SMIM13: variants seen among roughly 807,000 people sequenced by gnomAD.
SMIM13 encodes the protein UPF0766 protein C6orf228.
Under a neutral mutation model 5.9 loss-of-function variants are expected in SMIM13, and 3 were observed. The ratio of observed to expected loss-of-function variants is 0.51; its 90% CI spans 0.23 to 1.31. SMIM13 has a LOEUF of 1.31. Among genes scored for constraint, SMIM13 ranks in the 40% most tolerant of loss-of-function variants. The pLI, the probability that SMIM13 is intolerant of heterozygous loss-of-function variation, is 0.18. For synonymous variants in SMIM13, 55 were observed against 46.0 expected (o/e 1.19, Z -0.79); for missense variants, 85 against 109.9 (o/e 0.77, Z 1.01).
chr6:11,114,891 C>T (rs895879551), intron 1 of SMIM13, among the ~76,000 whole-genome samples: 11 of 152,074 alleles, frequency 7.2e-5, no homozygotes, highest in African/African-American at 2.7e-4. Context: ...TGAGCCACCA[C>T]GCCCGGCTGT....
At chr6:11,133,908 A>G (rs1758484865) in intron 1 of SMIM13, among the ~76,000 whole-genome samples, 1 of 152,052 alleles carries the variant, frequency 6.6e-6, no homozygotes, top group Non-Finnish European at 1.5e-5. Context: ...TTGAAAAATT[A>G]TTTCCAGAAA....
chr6:11,104,505 A>G lies in SMIM13; in HGVS notation c.76+10116A>G, dbSNP rs72825119. On this transcript the variant is annotated intron_variant, in intron 1 of 1. Coordinates refer to ENST00000416247, the MANE Select transcript of SMIM13 (RefSeq NM_001135575.2). ...TCCAAAAAATTCTGAGACTGCTGAT[A>G]TGCCCAGGTAGCTGGTGGCTATAGT... 169 of 1,559,606 alleles carry G rather than the reference A, an allele frequency of 1.1e-4. No homozygotes were observed. The highest frequency in any genetic ancestry group is 1.4e-4 in the Non-Finnish European group (161 of 1,151,132).
intron 1 of SMIM13, among the ~76,000 whole-genome samples, chr6:11,118,563 G>T (rs1758270304): frequency 6.6e-6 from 1 of 152,212 alleles, no homozygotes; most frequent in African/African-American, 2.4e-5. Flanking sequence ...TTCTCATAGG[G>T]AAGGTGGTCA....
At chr6:11,097,010 G>A (rs1197192384) in intron 1 of SMIM13, among the ~76,000 whole-genome samples, 1 of 151,924 alleles carries the variant, frequency 6.6e-6, no homozygotes, top group Non-Finnish European at 1.5e-5. Context: ...GGCTAATTTT[G>A]TATTTTTAGT....
intron 1 of SMIM13, among the ~76,000 whole-genome samples, chr6:11,129,764 C>A (rs930988566): frequency 1.3e-5 from 2 of 151,966 alleles, no homozygotes; most frequent in Admixed American, 6.6e-5. Context: ...TAGTGTGATG[C>A]CTCCTAGTTG....
intron 1 of SMIM13, chr6:11,105,259 G>C (rs577066973): frequency 6.2e-7 from 1 of 1,614,090 alleles, no homozygotes; most frequent in Non-Finnish European, 8.5e-7. Flanking sequence ...TCAGGATGGC[G>C]GTAGGCTGCT....
intron 1 of SMIM13, 69 bp from the exon 2 acceptor site, chr6:11,134,334 A>T: frequency 8.8e-7 from 1 of 1,142,388 alleles, no homozygotes; most frequent in Non-Finnish European, 1.3e-6. Flanking sequence ...CCCCCCATTA[A>T]CTGTAACATT....
intron 1 of SMIM13, among the ~76,000 whole-genome samples, chr6:11,101,499 C>A (rs1016267108): frequency 5.3e-5 from 8 of 152,058 alleles, no homozygotes; most frequent in African/African-American, 1.9e-4. Flanking sequence ...GTAGGGCTTC[C>A]GAAGGAGGAG....
intron 1 of SMIM13, among the ~76,000 whole-genome samples, chr6:11,110,441 C>T (rs1441903550): frequency 1.3e-5 from 2 of 152,214 alleles, no homozygotes; most frequent in African/African-American, 4.8e-5. Flanking sequence ...CTCAGATTCT[C>T]ATTTCCCATG....
intron 1 of SMIM13, chr6:11,105,408 GC>G: frequency 1.1e-6 from 1 of 886,782 alleles, no homozygotes; most frequent in Non-Finnish European, 1.7e-6. Context: ...CAGAGCAATT[GC>G]CAGTAAAATT....
At chr6:11,118,515 T>C (rs1758269667) in intron 1 of SMIM13, among the ~76,000 whole-genome samples, 2 of 152,210 alleles carry the variant, frequency 1.3e-5, no homozygotes, top group Admixed American at 6.5e-5. Context: ...ACTGGAAAAC[T>C]GATTAAACCA....
rs1758535149 is a variant in SMIM13 at position 11,137,845 on chromosome 6, G to A, written c.*3243G>A. ...TGGATTTTGTAGTGATGTTTTCACA[G>A]TTGAAACAAACATATTGCTGTGCGG... is the stretch of plus-strand genomic sequence containing the variant. On this transcript the variant is annotated 3_prime_UTR_variant, in exon 2 of 2. Transcript: ENST00000416247. 6.6e-6 allele frequency: 1 copy of A among 152,150 alleles called. No homozygotes were observed. The highest frequency in any genetic ancestry group is 1.5e-5 in the Non-Finnish European group (1 of 68,012). 9.4% of individuals were successfully genotyped at this position (152,150 alleles called of 1,614,324 possible).
Position 11,117,339 on chromosome 6 carries a change from A to AT in SMIM13, c.77-17046dup, listed in dbSNP as rs34219527. ...CCACTACGCCCGGCTAATTTTTTGTATTTTTTTTTTTTTTTTTTAATAGAG... is the reference window on the plus strand; with the variant it reads ...CCACTACGCCCGGCTAATTTTTTGTATTTTTTTTTTTTTTTTTTTAATAGAG... On this transcript the variant is annotated intron_variant, in intron 1 of 1. Transcript: ENST00000416247. 2.7e-3 allele frequency among the ~76,000 whole-genome samples: 363 copies of AT among 133,042 alleles called. 2 individuals are homozygous for AT. Among genetic ancestry groups the AT allele is most frequent in the African/African-American group, 7.1e-3 (258 of 36,096 alleles). 87.3% of individuals were successfully genotyped at this position (133,042 alleles called of 152,430 possible). A position where few individuals can be genotyped will look rare whatever the true frequency, so the allele number is the denominator to read the frequency against.
Position 11,134,664 on chromosome 6 carries a change from T to G in SMIM13, c.*62T>G. ...CTTCTGTCTTTTACTGACTTCGCTTTGAAATTTACTAATGACTGAAGAACA... is the reference window on the plus strand; with the variant it reads ...CTTCTGTCTTTTACTGACTTCGCTTGGAAATTTACTAATGACTGAAGAACA... On this transcript the variant is annotated 3_prime_UTR_variant, in exon 2 of 2. Transcript: ENST00000416247. 1 of 1,191,584 alleles carries G rather than the reference T, an allele frequency of 8.4e-7. No homozygotes were observed. Among genetic ancestry groups the G allele is most frequent in the Non-Finnish European group, 1.1e-6 (1 of 897,736 alleles). The allele number at this position is 1,191,584 out of a possible 1,614,324, so 73.8% of individuals were successfully genotyped here.
At chr6:11,123,195 G>A (rs376667379) in intron 1 of SMIM13, among the ~76,000 whole-genome samples, 13 of 152,254 alleles carry the variant, frequency 8.5e-5, no homozygotes, top group Non-Finnish European at 1.6e-4. Flanking sequence ...AAAGCTGGGG[G>A]GAGGAGGAGC....
rs1554119915 is a variant in SMIM13 at position 11,129,077 on chromosome 6, G to GGA, written c.77-5326_77-5325insGA. On this transcript the variant is annotated intron_variant, in intron 1 of 1. Transcript: ENST00000416247. Reference sequence around the variant, plus strand: ...GTTCAATTTGGCATTGCTACCGGGAGCGGGGGGGGGATGATCACTGGAGGC... The same window carrying GGA: ...GTTCAATTTGGCATTGCTACCGGGAGGACGGGGGGGGGATGATCACTGGAGGC... 2.2e-3 allele frequency among the ~76,000 whole-genome samples: 273 copies of GGA among 122,236 alleles called. 1 individual carries two copies. The highest frequency in any genetic ancestry group is 8.0e-3 in the African/African-American group (264 of 33,066). 80.2% of individuals were successfully genotyped at this position (122,236 alleles called of 152,430 possible).
chr6:11,121,760 A>G (rs9468452), intron 1 of SMIM13, among the ~76,000 whole-genome samples: 31,943 of 152,252 alleles, frequency 0.21, 3,702 homozygotes, highest in African/African-American at 0.3. Context: ...TTAACCAGAC[A>G]TAATACAATT....
chr6:11,100,236 A>T (rs955673174), intron 1 of SMIM13, among the ~76,000 whole-genome samples: 3 of 151,248 alleles, frequency 2.0e-5, no homozygotes, highest in Admixed American at 2.0e-4. Context: ...AATTTTTTGT[A>T]CTTTTAGTGG....
chr6:11,117,424 C>G (rs1461753765), intron 1 of SMIM13, among the ~76,000 whole-genome samples: 1 of 151,140 alleles, frequency 6.6e-6, no homozygotes, highest in Non-Finnish European at 1.5e-5. Context: ...ATCCGCCTGC[C>G]TTGGCCTCCC....
Sources: gnomAD v4.1 joint callset for allele counts (sites outside exome capture counted in the v4.1 genomes callset) on GRCh38, gnomAD v4.1.1 for gene constraint, MANE v1.5 for transcripts, NCBI Gene and HGNC (gene_info 2026-07-23, HGNC 2026-07-21) for gene names.